PTPRR: variants seen among roughly 807,000 people sequenced by gnomAD.
PTPRR encodes receptor-type tyrosine-protein phosphatase R.
Under a neutral mutation model 77.2 loss-of-function variants are expected in PTPRR, and 38 were observed. That is an observed-to-expected ratio of 0.49 (90% confidence interval 0.38 to 0.65). The LOEUF (loss-of-function observed/expected upper bound fraction) is 0.65, where lower values mean the gene tolerates loss of function less well. Among genes scored for constraint, PTPRR ranks in the 30% least tolerant of loss-of-function variants. The pLI, the probability that PTPRR is intolerant of heterozygous loss-of-function variation, is 0.00. For synonymous variants in PTPRR, 299 were observed against 283.1 expected (o/e 1.06, Z -0.57); for missense variants, 744 against 799.2 (o/e 0.93, Z 0.83).
intron 2 of PTPRR, among the ~76,000 whole-genome samples, chr12:70,784,368 G>T (rs1029183551): frequency 7.9e-5 from 12 of 152,220 alleles, no homozygotes; most frequent in Non-Finnish European, 1.8e-4. Flanking sequence ...GGCAGCCTGG[G>T]GTGGGGGCTC....
At chr12:70,812,233 A>C (rs1489777257) in intron 2 of PTPRR, among the ~76,000 whole-genome samples, 5 of 152,216 alleles carry the variant, frequency 3.3e-5, no homozygotes, top group Non-Finnish European at 7.3e-5. Flanking sequence ...GTAAATGGCA[A>C]TATAATTGCA....
At chr12:70,844,004 C>A (rs1344526961) in intron 2 of PTPRR, among the ~76,000 whole-genome samples, 5 of 151,590 alleles carry the variant, frequency 3.3e-5, no homozygotes, top group Admixed American at 3.3e-4. Flanking sequence ...TCAGTAGAGG[C>A]AGGGTTTCAT....
At chr12:70,794,695 C>T (rs1891480394) in intron 2 of PTPRR, among the ~76,000 whole-genome samples, 2 of 152,142 alleles carry the variant, frequency 1.3e-5, no homozygotes, top group African/African-American at 4.8e-5. Flanking sequence ...ACACATGGGT[C>T]CTCAATGACA....
intron 2 of PTPRR, among the ~76,000 whole-genome samples, chr12:70,773,560 C>A (rs1003479584): frequency 1.3e-5 from 2 of 151,926 alleles, no homozygotes; most frequent in African/African-American, 2.4e-5. Context: ...GGTGGCTTGG[C>A]AGATGGAGCA....
intron 2 of PTPRR, among the ~76,000 whole-genome samples, chr12:70,850,346 G>A (rs529543894): frequency 2.2e-4 from 33 of 150,824 alleles, no homozygotes; most frequent in African/African-American, 7.4e-4. Flanking sequence ...GCAACAAAGC[G>A]AGATTCCATC....
intron 8 of PTPRR, among the ~76,000 whole-genome samples, chr12:70,686,587 G>T (rs1887877878): frequency 1.3e-5 from 2 of 152,126 alleles, no homozygotes; most frequent in African/African-American, 4.8e-5. Flanking sequence ...GTCATAAAAG[G>T]TATTACAGTT....
chr12:70,864,904 C>A (rs942744889), intron 2 of PTPRR, among the ~76,000 whole-genome samples: 5 of 152,094 alleles, frequency 3.3e-5, no homozygotes, highest in East Asian at 1.9e-4. Flanking sequence ...CTCCACTTCC[C>A]GGGTTCAAGT....
At chr12:70,759,438 G>T (rs923104797) in intron 4 of PTPRR, among the ~76,000 whole-genome samples, 2 of 152,032 alleles carry the variant, frequency 1.3e-5, no homozygotes, top group African/African-American at 2.4e-5. Flanking sequence ...TTCGTCTGTG[G>T]AGGTACAAGG....
At chr12:70,704,817 A>G (rs1888558841) in intron 6 of PTPRR, among the ~76,000 whole-genome samples, 1 of 152,160 alleles carries the variant, frequency 6.6e-6, no homozygotes, top group Non-Finnish European at 1.5e-5. Flanking sequence ...TATACCTTTA[A>G]TAAAAAAGGA....
At chr12:70,874,814 C>T (rs1893021714) in intron 2 of PTPRR, among the ~76,000 whole-genome samples, 1 of 150,990 alleles carries the variant, frequency 6.6e-6, no homozygotes, top group African/African-American at 2.4e-5. Flanking sequence ...ACCAGCTGCT[C>T]CAGAGCCTGA....
At position 70,719,145 on chromosome 12, in the gene PTPRR, C is replaced by T. The variant is rs60001245; in HGVS notation, c.1008-17822G>A. Among the ~76,000 whole-genome samples, 1,020 of 152,232 alleles carry T rather than the reference C, an allele frequency of 6.7e-3. 13 individuals are homozygous for T. The highest frequency in any genetic ancestry group is 0.023 in the African/African-American group (976 of 41,546). On this transcript the variant is annotated intron_variant, in intron 6 of 13. Transcript: ENST00000283228. ...AATACGCTACGGAAATCATTTTTGA[C>T]AAGAACTCTCGGGCTAAGCTTTAAG...
chr12:70,859,468 T>C (rs562087388), intron 2 of PTPRR, among the ~76,000 whole-genome samples: 23 of 152,000 alleles, frequency 1.5e-4, no homozygotes, highest in Non-Finnish European at 2.9e-4. Context: ...CACGTTTATG[T>C]ACTGAGAGAA....
chr12:70,745,022 G>A (rs1471015759), intron 6 of PTPRR, among the ~76,000 whole-genome samples: 1 of 152,030 alleles, frequency 6.6e-6, no homozygotes, highest in Non-Finnish European at 1.5e-5. Flanking sequence ...TGAATCACAT[G>A]TATAATACAT....
chr12:70,820,483 G>A (rs547090159), intron 2 of PTPRR, among the ~76,000 whole-genome samples: 27 of 152,240 alleles, frequency 1.8e-4, no homozygotes, highest in African/African-American at 5.8e-4. Context: ...ACAGGCGCCC[G>A]CCACCACGCC....
At chr12:70,873,427 CT>C (rs1555181924) in intron 2 of PTPRR, among the ~76,000 whole-genome samples, 2 of 152,118 alleles carry the variant, frequency 1.3e-5, no homozygotes, top group Non-Finnish European at 2.9e-5. Flanking sequence ...TCTTAAAATC[CT>C]TTTTATTGTT....
At chr12:70,738,379 A>G (rs900227006) in intron 6 of PTPRR, among the ~76,000 whole-genome samples, 5 of 152,198 alleles carry the variant, frequency 3.3e-5, no homozygotes, top group African/African-American at 1.2e-4. Flanking sequence ...CATAGTCCTG[A>G]TGGCCCACCA....
chr12:70,685,981 T>C (rs1354180130), intron 8 of PTPRR, among the ~76,000 whole-genome samples: 52 of 152,338 alleles, frequency 3.4e-4, no homozygotes, highest in Non-Finnish European at 1.2e-4. Flanking sequence ...GCCACTACGC[T>C]GTGCTGCAGC....
rs191888748 is a variant in PTPRR, at chr12:70,782,834, A to C, written c.358-18056T>G. 2.7e-3 allele frequency among the ~76,000 whole-genome samples: 415 copies of C among 152,284 alleles called. 1 individual carries two copies. Among genetic ancestry groups the C allele is most frequent in the Non-Finnish European group, 4.5e-3 (303 of 68,012 alleles). On this transcript the variant is annotated intron_variant, in intron 2 of 13. Transcript: ENST00000283228. ...ACATGTACCCTAGAACTTAAAGTAT[A>C]ATAAAAAAATAAACAAATAAAAAAC... is the stretch of plus-strand genomic sequence containing the variant.
chr12:70,771,109 C>G (rs1002935845), intron 2 of PTPRR, among the ~76,000 whole-genome samples: 3 of 150,838 alleles, frequency 2.0e-5, no homozygotes, highest in African/African-American at 4.9e-5. Context: ...ACATATGTAA[C>G]TAACCTGCAC....
Sources: gnomAD v4.1 joint callset for allele counts (sites outside exome capture counted in the v4.1 genomes callset) on GRCh38, gnomAD v4.1.1 for gene constraint, MANE v1.5 for transcripts, NCBI Gene and HGNC (gene_info 2026-07-23, HGNC 2026-07-21) for gene names.